Variants in CSMD1 observed in about 807,000 individuals in gnomAD.
The protein encoded by CSMD1 is CUB and Sushi multiple domains 1.
CSMD1 carries 213 observed loss-of-function variants against 417.5 expected under a neutral mutation model. That is an observed-to-expected ratio of 0.51 (90% CI 0.46 to 0.57). The LOEUF is 0.57. CSMD1 is among the 20% of genes least tolerant of loss of function. The pLI, the probability that CSMD1 is intolerant of heterozygous loss-of-function variation, is 0.00. For synonymous variants in CSMD1, 2,862 were observed against 1,736.8 expected (o/e 1.65, Z -16.11); for missense variants, 6,923 against 4,529.7 (o/e 1.53, Z -15.17).
At chr8:4,600,570 C>T (rs77083579) in intron 2 of CSMD1, among the ~76,000 whole-genome samples, 4,289 of 152,230 alleles carry the variant, frequency 0.028, 206 homozygotes, top group African/African-American at 0.098. Flanking sequence ...CTGATGTGCT[C>T]TCCATCCTAA....
At chr8:3,996,640 A>T (rs1815245306) in intron 5 of CSMD1, among the ~76,000 whole-genome samples, 2 of 152,234 alleles carry the variant, frequency 1.3e-5, no homozygotes, top group Non-Finnish European at 2.9e-5. Context: ...AGTTAAAGTC[A>T]TACAACCTAC....
intron 4 of CSMD1, among the ~76,000 whole-genome samples, chr8:4,022,290 T>G (rs971532600): frequency 6.6e-6 from 1 of 151,808 alleles, no homozygotes; most frequent in African/African-American, 2.4e-5. Flanking sequence ...ATTTCAGATT[T>G]CAGACAAGGA....
At chr8:3,457,197 A>C in intron 12 of CSMD1, among the ~76,000 whole-genome samples, 1 of 149,394 alleles carries the variant, frequency 6.7e-6, no homozygotes. Flanking sequence ...TGGACTCCTA[A>C]CCTGGACCCC....
chr8:3,217,914 T>G (rs1797973461), intron 29 of CSMD1, among the ~76,000 whole-genome samples: 1 of 152,222 alleles, frequency 6.6e-6, no homozygotes, highest in African/African-American at 2.4e-5. Flanking sequence ...ATTTTCATTT[T>G]TTAAAGAAAA....
intron 3 of CSMD1, among the ~76,000 whole-genome samples, chr8:4,062,873 G>A (rs2552166): frequency 0.23 from 34,032 of 150,576 alleles, 4,595 homozygotes; most frequent in East Asian, 0.64. Context: ...AAGCCTGTAC[G>A]TAATACTGAA....
intron 5 of CSMD1, among the ~76,000 whole-genome samples, chr8:3,916,389 T>C (rs1242242619): frequency 6.6e-6 from 1 of 152,190 alleles, no homozygotes; most frequent in Non-Finnish European, 1.5e-5. Flanking sequence ...AATTCCATGA[T>C]GAAATAACTC....
At chr8:4,936,560 T>A (rs1203909674) in intron 1 of CSMD1, among the ~76,000 whole-genome samples, 1 of 152,210 alleles carries the variant, frequency 6.6e-6, no homozygotes, top group Non-Finnish European at 1.5e-5. Context: ...TAGAAATTCA[T>A]AAGCATTTTA....
At chr8:4,455,448 G>A (rs953100270) in intron 2 of CSMD1, among the ~76,000 whole-genome samples, 1 of 152,114 alleles carries the variant, frequency 6.6e-6, no homozygotes, top group Non-Finnish European at 1.5e-5. Context: ...AATGATACAA[G>A]CACACAGCCA....
intron 41 of CSMD1, among the ~76,000 whole-genome samples, chr8:3,120,631 A>G (rs533346472): frequency 7.0e-4 from 107 of 152,050 alleles, no homozygotes; most frequent in Non-Finnish European, 1.3e-3. Flanking sequence ...GGTGGATCAC[A>G]AGGTCAAGAG....
intron 7 of CSMD1, among the ~76,000 whole-genome samples, chr8:3,696,156 G>C (rs373325771): frequency 6.6e-6 from 1 of 152,144 alleles, no homozygotes; most frequent in Non-Finnish European, 1.5e-5. Flanking sequence ...CATAATGAAC[G>C]TATCTTCTTC....
chr8:3,528,324 C>T (rs78023601), intron 10 of CSMD1, among the ~76,000 whole-genome samples: 4,120 of 152,258 alleles, frequency 0.027, 78 homozygotes, highest in Middle Eastern at 0.044. Flanking sequence ...AAAATTCTTC[C>T]CCTCTCTATT....
intron 3 of CSMD1, among the ~76,000 whole-genome samples, chr8:4,223,936 G>A (rs574208128): frequency 6.6e-6 from 1 of 152,224 alleles, no homozygotes; most frequent in South Asian, 2.1e-4. Context: ...ACATCCAGGG[G>A]TCCTTTGTGC....
intron 4 of CSMD1, among the ~76,000 whole-genome samples, chr8:4,018,090 T>C (rs190238269): frequency 1.4e-4 from 22 of 152,346 alleles, no homozygotes; most frequent in South Asian, 2.1e-4. Flanking sequence ...CTGGTTATTA[T>C]AGCCTATTGT....
intron 3 of CSMD1, among the ~76,000 whole-genome samples, chr8:4,369,319 T>G (rs1018547827): frequency 6.6e-6 from 1 of 152,176 alleles, no homozygotes; most frequent in African/African-American, 2.4e-5. Flanking sequence ...TGTTATGAAT[T>G]GAATTTTTTT....
At chr8:4,261,526 C>G (rs559558536) in intron 3 of CSMD1, among the ~76,000 whole-genome samples, 61 of 152,232 alleles carry the variant, frequency 4.0e-4, no homozygotes, top group African/African-American at 6.5e-4. Context: ...TTATTATATA[C>G]TTGAAATTTG....
In CSMD1 at chr8:4,724,464, T is replaced by G. The variant is rs1344809170; in HGVS notation, c.86-86906A>C. On this transcript the variant is annotated intron_variant, in intron 1 of 69. Coordinates refer to ENST00000635120, the MANE Select transcript of CSMD1 (RefSeq NM_033225.6). ...TCAAATATAATATTTACATTACTTA[T>G]AAGTAGCTGGGAGTTCATCTTTATA... Among the ~76,000 whole-genome samples, 3 of 152,044 alleles carry G rather than the reference T, an allele frequency of 2.0e-5. No individual in the cohort carries two copies. The East Asian group carries it at 5.8e-4, about 29-fold the overall frequency.
intron 4 of CSMD1, among the ~76,000 whole-genome samples, chr8:4,010,058 TA>T (rs1816426858): frequency 6.6e-6 from 1 of 152,186 alleles, no homozygotes; most frequent in African/African-American, 2.4e-5. Flanking sequence ...AAGTCAATTA[TA>T]AACAGAATTT....
intron 1 of CSMD1, among the ~76,000 whole-genome samples, chr8:4,939,614 G>A (rs62488194): frequency 0.23 from 35,551 of 151,860 alleles, 4,310 homozygotes; most frequent in East Asian, 0.38. Flanking sequence ...GAAGCCGAGA[G>A]TAGAACGGCC....
chr8:3,368,375 C>A (rs1809736830), intron 19 of CSMD1, among the ~76,000 whole-genome samples: 2 of 152,272 alleles, frequency 1.3e-5, no homozygotes, highest in South Asian at 4.1e-4. Context: ...CTCGCTCTAT[C>A]TCCTAGGCTG....
Sources: allele counts gnomAD v4.1 joint callset (sites outside exome capture counted in the v4.1 genomes callset), GRCh38; gene constraint gnomAD v4.1.1; transcripts MANE v1.5; gene names NCBI Gene and HGNC (gene_info 2026-07-23, HGNC 2026-07-21).